Variants in CALN1 observed in about 807,000 individuals in gnomAD.
CALN1 encodes calcium-binding protein 8.
A neutral mutation model predicts 30.6 loss-of-function variants in CALN1; 17 were observed. The ratio of observed to expected loss-of-function variants is 0.56; its 90% CI spans 0.38 to 0.83. CALN1 has a LOEUF of 0.83. CALN1 is among the 40% of genes least tolerant of loss of function. The probability of loss-of-function intolerance (pLI) is 0.00; values close to 1 mark genes in which losing one functional copy is unlikely to be tolerated. For missense variants in CALN1, 291 were observed against 354.9 expected (o/e 0.82, Z 1.45); for synonymous variants, 156 against 131.4 (o/e 1.19, Z -1.28).
chr7:71,881,560 T>A (rs1336606738), intron 5 of CALN1, among the ~76,000 whole-genome samples: 3 of 152,206 alleles, frequency 2.0e-5, no homozygotes, highest in Non-Finnish European at 2.9e-5. Flanking sequence ...ACAATGTTGA[T>A]ATAAACATGC....
chr7:72,383,633 G>A (rs967244079), intron 2 of CALN1, among the ~76,000 whole-genome samples: 1 of 152,164 alleles, frequency 6.6e-6, no homozygotes, highest in African/African-American at 2.4e-5. Flanking sequence ...ATAACTACAA[G>A]TATAGGACCC....
In CALN1 at chr7:72,196,975, G is replaced by A. The variant is rs893293949; in HGVS notation, c.244+81711C>T. On this transcript the variant is annotated intron_variant, in intron 3 of 6. Coordinates refer to ENST00000395275, the MANE Select transcript of CALN1 (RefSeq NM_031468.4). ...TTCCTTTTTTGTTTCTTTAAATGAGGGATAGTCTGAAAAACTCTCTAGAGA... is the reference window on the plus strand; with the variant it reads ...TTCCTTTTTTGTTTCTTTAAATGAGAGATAGTCTGAAAAACTCTCTAGAGA... 5.3e-5 allele frequency among the ~76,000 whole-genome samples: 8 copies of A among 151,862 alleles called. No homozygotes were observed. The East Asian group carries it at 5.8e-4, about 11-fold the overall frequency.
chr7:72,374,680 C>T (rs1804445942), intron 2 of CALN1, among the ~76,000 whole-genome samples: 1 of 152,102 alleles, frequency 6.6e-6, no homozygotes, highest in African/African-American at 2.4e-5. Context: ...ATGCTTTACC[C>T]CTAAGATCAG....
At chr7:72,147,481 G>GATGTGGAGAAATAGGCAC (rs775589538) in intron 3 of CALN1, among the ~76,000 whole-genome samples, 2 of 100,838 alleles carry the variant, frequency 2.0e-5, no homozygotes, top group Non-Finnish European at 2.3e-5. Context: ...TGTTGGAGAG[G>GATGTGGAGAAATAGGCAC]ACTGTTACAC....
chr7:71,825,816 C>T (rs970272103), intron 5 of CALN1, among the ~76,000 whole-genome samples: 4 of 151,884 alleles, frequency 2.6e-5, no homozygotes, highest in South Asian at 2.1e-4. Flanking sequence ...GCTGTTCACT[C>T]GAGGTCAGGA....
the CALN1 span, among the ~76,000 whole-genome samples, chr7:72,486,670 G>C: frequency 6.6e-6 from 1 of 151,812 alleles, no homozygotes; most frequent in South Asian, 2.1e-4. Context: ...ACCGAGCCCA[G>C]CCACAATACA....
intron 2 of CALN1, among the ~76,000 whole-genome samples, chr7:72,388,476 T>C (rs961864735): frequency 5.9e-5 from 9 of 152,106 alleles, no homozygotes; most frequent in Admixed American, 6.6e-5. Flanking sequence ...TCATGAGCCT[T>C]AATAATAATG....
At chr7:71,811,037 G>A (rs1787923683) in intron 5 of CALN1, among the ~76,000 whole-genome samples, 1 of 151,780 alleles carries the variant, frequency 6.6e-6, no homozygotes, top group South Asian at 2.1e-4. Context: ...TGGAATTACA[G>A]GTGCCCGCCA....
intron 2 of CALN1, among the ~76,000 whole-genome samples, chr7:72,314,685 G>A (rs1398459597): frequency 1.3e-5 from 2 of 151,702 alleles, no homozygotes; most frequent in Non-Finnish European, 2.9e-5. Context: ...AAAGTGCTGG[G>A]ATTACAGGCG....
chr7:72,294,241 T>C (rs915831623), intron 2 of CALN1, among the ~76,000 whole-genome samples: 1 of 152,090 alleles, frequency 6.6e-6, no homozygotes, highest in Non-Finnish European at 1.5e-5. Flanking sequence ...GTTTATGAAG[T>C]AAATCATGAG....
chr7:72,321,318 G>A (rs1006740074), intron 2 of CALN1, among the ~76,000 whole-genome samples: 1 of 152,118 alleles, frequency 6.6e-6, no homozygotes, highest in African/African-American at 2.4e-5. Flanking sequence ...CAAGAAAAAA[G>A]GATCCAACGA....
chr7:71,800,763 G>C (rs1197339482), intron 6 of CALN1, among the ~76,000 whole-genome samples: 2 of 149,982 alleles, frequency 1.3e-5, no homozygotes, highest in Admixed American at 1.3e-4. Flanking sequence ...GCATTGACAG[G>C]TAGACCCAGG....
intron 5 of CALN1, among the ~76,000 whole-genome samples, chr7:71,901,267 T>G (rs942447018): frequency 2.6e-5 from 4 of 152,102 alleles, no homozygotes; most frequent in African/African-American, 9.7e-5. Context: ...TTAGATAACA[T>G]GAACAAATAG....
intron 3 of CALN1, among the ~76,000 whole-genome samples, chr7:72,191,077 T>A (rs897241062): frequency 6.6e-6 from 1 of 152,216 alleles, no homozygotes; most frequent in Admixed American, 6.5e-5. Flanking sequence ...ACTGCTTTTG[T>A]GCAAGTCATG....
intron 2 of CALN1, among the ~76,000 whole-genome samples, chr7:72,309,476 G>A (rs1799887962): frequency 6.6e-6 from 1 of 152,108 alleles, no homozygotes; most frequent in African/African-American, 2.4e-5. Flanking sequence ...AGCCCTGGCA[G>A]GTGTCAAAGG....
chr7:72,182,408 G>A (rs1053508992), intron 3 of CALN1, among the ~76,000 whole-genome samples: 1 of 152,086 alleles, frequency 6.6e-6, no homozygotes, highest in African/African-American at 2.4e-5. Flanking sequence ...AATATCAGTT[G>A]GGCTTTTAAA....
At chr7:72,136,584 C>T (rs932848799) in intron 3 of CALN1, among the ~76,000 whole-genome samples, 1 of 152,188 alleles carries the variant, frequency 6.6e-6, no homozygotes, top group African/African-American at 2.4e-5. Flanking sequence ...AAGTACTTTT[C>T]CTTTGCATTC....
At chr7:72,026,005 G>C (rs1260560218) in intron 4 of CALN1, among the ~76,000 whole-genome samples, 3 of 152,294 alleles carry the variant, frequency 2.0e-5, no homozygotes, top group Admixed American at 1.3e-4. Context: ...AAGAGGGGCA[G>C]TCGGTGGCCT....
At chr7:72,303,137 C>T (rs1799410013) in intron 2 of CALN1, among the ~76,000 whole-genome samples, 1 of 151,808 alleles carries the variant, frequency 6.6e-6, no homozygotes, top group Non-Finnish European at 1.5e-5. Flanking sequence ...AGAAATCACT[C>T]AGTGAATTAT....
Sources: allele counts gnomAD v4.1 joint callset (sites outside exome capture counted in the v4.1 genomes callset), GRCh38; gene constraint gnomAD v4.1.1; transcripts MANE v1.5; gene names NCBI Gene and HGNC (gene_info 2026-07-23, HGNC 2026-07-21).